The following CNTNAP5 variants were observed in gnomAD, a reference collection of about 807,000 sequenced individuals.
CNTNAP5 encodes contactin associated protein family member 5, also known as contactin-associated protein-like 5.
In CNTNAP5, 72 loss-of-function variants were observed where a neutral mutation model predicts 150.2. That is an observed-to-expected ratio of 0.48 (90% CI 0.40 to 0.58). The LOEUF is 0.58. Ranked by LOEUF, CNTNAP5 falls within the 20% of genes least tolerant of loss-of-function variation. The pLI, the probability that CNTNAP5 is intolerant of heterozygous loss-of-function variation, is 0.00. For missense variants in CNTNAP5, 1,636 were observed against 1,626.2 expected, an observed-to-expected ratio of 1.01 and a Z score of -0.10; for synonymous variants, 672 against 619.8, an observed-to-expected ratio of 1.08 and a Z score of -1.25.
At chr2:124,091,403 C>A (rs1051403745) in intron 1 of CNTNAP5, among the ~76,000 whole-genome samples, 1 of 152,054 alleles carries the variant, frequency 6.6e-6, no homozygotes, top group Admixed American at 6.6e-5. Context: ...AAATGACTTG[C>A]AAAATTCAAA....
At chr2:124,149,761 T>C (rs1413659173) in intron 1 of CNTNAP5, among the ~76,000 whole-genome samples, 1 of 152,078 alleles carries the variant, frequency 6.6e-6, no homozygotes, top group African/African-American at 2.4e-5. Context: ...ATAAAACTCC[T>C]CCCATTTTTA....
intron 17 of CNTNAP5, among the ~76,000 whole-genome samples, chr2:124,776,899 C>T (rs1174596055): frequency 6.6e-6 from 1 of 151,836 alleles, no homozygotes; most frequent in African/African-American, 2.4e-5. Flanking sequence ...TACTATTCCC[C>T]CATAAAAGTG....
At chr2:124,620,796 C>A (rs1677598205) in intron 12 of CNTNAP5, among the ~76,000 whole-genome samples, 1 of 151,360 alleles carries the variant, frequency 6.6e-6, no homozygotes, top group South Asian at 2.1e-4. Flanking sequence ...AACTTTCTAG[C>A]CTTAAAAAGT....
chr2:124,155,747 C>A (rs963580696), intron 1 of CNTNAP5, among the ~76,000 whole-genome samples: 4 of 152,076 alleles, frequency 2.6e-5, no homozygotes, highest in Admixed American at 1.3e-4. Flanking sequence ...GAGGTTTTTT[C>A]ACCCATCCGT....
chr2:124,816,997 AT>A (rs576004280), intron 19 of CNTNAP5, among the ~76,000 whole-genome samples: 91 of 152,300 alleles, frequency 6.0e-4, no homozygotes, highest in Admixed American at 1.5e-3. Context: ...GGGTGTAAAC[AT>A]GAGGGCCACC....
intron 19 of CNTNAP5, among the ~76,000 whole-genome samples, chr2:124,846,213 A>G (rs1683044246): frequency 6.6e-6 from 1 of 152,090 alleles, no homozygotes; most frequent in Admixed American, 6.6e-5. Context: ...TGTCACTATT[A>G]TGGTTCAGTT....
At chr2:124,431,562 C>CTTTATATAAACATTATATATAATTTA (rs1558899231) in intron 4 of CNTNAP5, among the ~76,000 whole-genome samples, 3 of 140,282 alleles carry the variant, frequency 2.1e-5, no homozygotes, top group African/African-American at 7.9e-5. Flanking sequence ...TATATAATTT[C>CTTTATATAAACATTATATATAATTTA]TTTATATAAA....
intron 21 of CNTNAP5, among the ~76,000 whole-genome samples, chr2:124,898,468 A>AT (rs1678353432): frequency 6.6e-6 from 1 of 151,564 alleles, no homozygotes. Context: ...AGTGTTGTGC[A>AT]TTCTGAGGCT....
intron 3 of CNTNAP5, among the ~76,000 whole-genome samples, chr2:124,360,881 CT>C (rs1690178288): frequency 7.1e-6 from 1 of 141,796 alleles, no homozygotes; most frequent in Admixed American, 7.2e-5. Context: ...GGAAGTTCTC[CT>C]GGATAATATC....
intron 3 of CNTNAP5, among the ~76,000 whole-genome samples, chr2:124,398,796 G>A (rs1284665148): frequency 6.6e-6 from 1 of 152,070 alleles, no homozygotes; most frequent in East Asian, 1.9e-4. Flanking sequence ...TTATCTTAAA[G>A]GTAATGAACT....
At chr2:124,385,494 A>G (rs1325511493) in intron 3 of CNTNAP5, among the ~76,000 whole-genome samples, 1 of 152,222 alleles carries the variant, frequency 6.6e-6, no homozygotes, top group Admixed American at 6.5e-5. Context: ...TCTGCAATTA[A>G]TAACTACCTC....
At chr2:124,494,207 G>T (rs1694098411) in intron 7 of CNTNAP5, among the ~76,000 whole-genome samples, 2 of 151,982 alleles carry the variant, frequency 1.3e-5, no homozygotes, top group Non-Finnish European at 2.9e-5. Flanking sequence ...TTTATAGCGT[G>T]ACTAACTCCA....
intron 12 of CNTNAP5, among the ~76,000 whole-genome samples, chr2:124,620,056 C>T (rs1018899296): frequency 9.2e-5 from 14 of 151,442 alleles, no homozygotes; most frequent in African/African-American, 2.9e-4. Flanking sequence ...CTGCTCATGA[C>T]ATTAATCACA....
chr2:124,087,818 G>A (rs1558750785), intron 1 of CNTNAP5, among the ~76,000 whole-genome samples: 1 of 149,260 alleles, frequency 6.7e-6, no homozygotes, highest in Non-Finnish European at 1.5e-5. Flanking sequence ...ATTGTCACTT[G>A]ATTTGTTTTG....
intron 1 of CNTNAP5, among the ~76,000 whole-genome samples, chr2:124,070,789 C>T (rs1324075919): frequency 2.6e-5 from 4 of 151,940 alleles, no homozygotes; most frequent in Non-Finnish European, 5.9e-5. Context: ...TTAGACAGAA[C>T]TTCCAGATAG....
At chr2:124,584,742 T>C (rs761473257) in intron 11 of CNTNAP5, among the ~76,000 whole-genome samples, 16 of 152,230 alleles carry the variant, frequency 1.1e-4, no homozygotes, top group Non-Finnish European at 1.9e-4. Flanking sequence ...AAATACTGTA[T>C]AATTATTTCC....
chr2:124,504,441 G>A lies in CNTNAP5; in HGVS notation c.1212G>A (p.Leu404=), dbSNP rs779415606. 42 of 1,613,758 alleles carry A rather than the reference G, an allele frequency of 2.6e-5. No individual in the cohort carries two copies. Among genetic ancestry groups the A allele is most frequent in the Non-Finnish European group, 3.2e-5 (38 of 1,179,860 alleles). Residue 404 remains leucine, a synonymous_variant, in exon 8 of 24, where the codon CTG becomes CTA. Coordinates refer to ENST00000682447, the MANE Select transcript of CNTNAP5 (RefSeq NM_001367498.1). The part of the protein sequence containing the change: ...FQFRTWNKDG[L]LLSTELSEGS... The stretch of plus-strand genomic sequence containing the variant: ...TTCGAACATGGAACAAGGATGGTCT[G>A]CTTCTGTCCACAGAGCTGTCTGAGG...
intron 1 of CNTNAP5, chr2:124,135,051 C>A (rs1683942195): frequency 6.6e-6 from 1 of 152,142 alleles, no homozygotes; most frequent in South Asian, 2.1e-4. Context: ...ATTCCCATTT[C>A]TTTCCTTTAC....
chr2:124,589,113 AG>A (rs1696620904), intron 11 of CNTNAP5, among the ~76,000 whole-genome samples: 1 of 152,156 alleles, frequency 6.6e-6, no homozygotes, highest in African/African-American at 2.4e-5. Flanking sequence ...TGGCTGTGCA[AG>A]CCTTCTTCAC....
Sources: gnomAD v4.1 joint callset for allele counts (sites outside exome capture counted in the v4.1 genomes callset) on GRCh38, gnomAD v4.1.1 for gene constraint, MANE v1.5 for transcripts, NCBI Gene and HGNC (gene_info 2026-07-23, HGNC 2026-07-21) for gene names.